Variants in EFCAB6 observed in about 807,000 individuals in gnomAD.
The protein encoded by EFCAB6 is EF-hand calcium binding domain 6, also known as EF-hand calcium-binding domain-containing protein 6.
A neutral mutation model predicts 169.8 loss-of-function variants in EFCAB6; 156 were observed. That is an observed-to-expected ratio of 0.92 (90% CI 0.81 to 1.05). The LOEUF is 1.05. EFCAB6 is among the 50% of genes least tolerant of loss of function. The probability of loss-of-function intolerance (pLI) is 0.00; values close to 1 mark genes in which losing one functional copy is unlikely to be tolerated. For missense variants in EFCAB6, 1,800 were observed against 1,829.1 expected (o/e 0.98, Z 0.29); for synonymous variants, 698 against 676.4 (o/e 1.03, Z -0.50).
intron 13 of EFCAB6, 47 bp from the exon 14 acceptor site, chr22:43,672,352 T>C: frequency 6.3e-7 from 1 of 1,599,530 alleles, no homozygotes; most frequent in Non-Finnish European, 8.5e-7. Context: ...CTCATGAAAG[T>C]CATTAGGAGC....
intron 17 of EFCAB6, among the ~76,000 whole-genome samples, chr22:43,664,896 G>A (rs1190602565): frequency 2.0e-5 from 3 of 152,148 alleles, no homozygotes; most frequent in Non-Finnish European, 2.9e-5. Context: ...GGCATGGCCA[G>A]GGTGGAAGCA....
At chr22:43,589,679 T>A (rs891635729) in intron 24 of EFCAB6, among the ~76,000 whole-genome samples, 3 of 152,086 alleles carry the variant, frequency 2.0e-5, no homozygotes, top group Non-Finnish European at 2.9e-5. Flanking sequence ...TCCCAGCTAC[T>A]TGGGAGCCTG....
intron 10 of EFCAB6, among the ~76,000 whole-genome samples, chr22:43,691,593 T>C (rs990289923): frequency 6.6e-6 from 1 of 152,152 alleles, no homozygotes; most frequent in African/African-American, 2.4e-5. Context: ...CCTATTTAAT[T>C]ACATCAAAAT....
In EFCAB6 at chr22:43,607,971, C is replaced by T. The variant is rs527604829; in HGVS notation, c.2681+511G>A. Among the ~76,000 whole-genome samples the T allele has an allele frequency of 3.0e-4, 45 of 152,276 alleles. No individual in the cohort carries two copies. The Middle Eastern group carries it at 0.01, about 35-fold the overall frequency. On this transcript the variant is annotated intron_variant, in intron 22 of 31. Transcript: ENST00000262726. ...TGGAACCAACATCGGATAAAATTTT[C>T]GGTTTAAGAGACCCTCGGGAAGCTA...
At chr22:43,623,729 A>G (rs1317330661) in intron 20 of EFCAB6, among the ~76,000 whole-genome samples, 7 of 128,406 alleles carry the variant, frequency 5.5e-5, no homozygotes, top group Non-Finnish European at 1.6e-5. Flanking sequence ...CCCCGTCTCT[A>G]CTAAAAATAC....
chr22:43,705,098 T>G (rs1025050928), intron 10 of EFCAB6, among the ~76,000 whole-genome samples: 54 of 152,136 alleles, frequency 3.5e-4, no homozygotes, highest in Middle Eastern at 3.4e-3. Flanking sequence ...TCGGACAAAA[T>G]AGATTTTAAG....
chr22:43,742,909 G>A (rs952779194), intron 6 of EFCAB6, among the ~76,000 whole-genome samples: 11 of 152,206 alleles, frequency 7.2e-5, no homozygotes, highest in African/African-American at 2.7e-4. Flanking sequence ...GTTATCTAGG[G>A]GAGGACCATG....
intron 5 of EFCAB6, 64 bp from the exon 6 acceptor site, chr22:43,755,896 T>A: frequency 7.3e-7 from 1 of 1,374,686 alleles, no homozygotes; most frequent in South Asian, 1.4e-5. Context: ...ACATAGGATA[T>A]GCAGAGATCA....
chr22:43,637,030 C>T (rs991052236), intron 17 of EFCAB6, among the ~76,000 whole-genome samples: 1 of 152,266 alleles, frequency 6.6e-6, no homozygotes, highest in African/African-American at 2.4e-5. Flanking sequence ...CGGCAAGCAG[C>T]TCTGCCATGG....
chr22:43,605,289 G>A (rs894539899), intron 22 of EFCAB6, among the ~76,000 whole-genome samples: 21 of 152,200 alleles, frequency 1.4e-4, no homozygotes, highest in African/African-American at 4.3e-4. Flanking sequence ...AAGCAAAGAT[G>A]ATAACGATCC....
intron 21 of EFCAB6, among the ~76,000 whole-genome samples, chr22:43,614,353 G>A (rs959948927): frequency 6.6e-6 from 1 of 151,972 alleles, no homozygotes; most frequent in Admixed American, 6.6e-5. Flanking sequence ...CCTTGACAAA[G>A]GGGCAAAGGC....
intron 10 of EFCAB6, among the ~76,000 whole-genome samples, chr22:43,710,932 A>G (rs2147369001): frequency 6.6e-6 from 1 of 152,354 alleles, no homozygotes; most frequent in South Asian, 2.1e-4. Flanking sequence ...GAAAGCCCCC[A>G]TAACAAACAA....
chr22:43,542,495 G>C (rs371179177), intron 27 of EFCAB6, among the ~76,000 whole-genome samples: 1 of 152,170 alleles, frequency 6.6e-6, no homozygotes, highest in African/African-American at 2.4e-5. Flanking sequence ...CGAGAGAATC[G>C]CTTGAACCTG....
At position 43,784,578 on chromosome 22, in the gene EFCAB6, TAC is replaced by T. The variant is rs1282974043; in HGVS notation, c.-7-2255_-7-2254del. ...ATATACACATATATATGTGTACATA[TAC>T]ACATATATATGTATATATACACATA... On this transcript the variant is annotated intron_variant, in intron 2 of 31. Transcript: ENST00000262726. Among the ~76,000 whole-genome samples the T allele has an allele frequency of 3.9e-4, 30 of 76,428 alleles. 3 individuals are homozygous for T. The highest frequency in any genetic ancestry group is 5.3e-4 in the Non-Finnish European group (22 of 41,532). 50.1% of individuals were successfully genotyped at this position (76,428 alleles called of 152,430 possible). A position where few individuals can be genotyped will look rare whatever the true frequency, so the allele number is the denominator to read the frequency against.
intron 3 of EFCAB6, among the ~76,000 whole-genome samples, chr22:43,778,682 C>G (rs2061715131): frequency 6.6e-6 from 1 of 152,174 alleles, no homozygotes; most frequent in Non-Finnish European, 1.5e-5. Flanking sequence ...AGTGCTCACA[C>G]CTCAAAGACC....
chr22:43,661,770 T>C (rs1384703194), intron 17 of EFCAB6, among the ~76,000 whole-genome samples: 3 of 152,188 alleles, frequency 2.0e-5, no homozygotes, highest in East Asian at 1.9e-4. Context: ...CTATGTCTTA[T>C]ATTAAACAGG....
intron 10 of EFCAB6, among the ~76,000 whole-genome samples, chr22:43,699,254 G>C (rs879757746): frequency 1.3e-5 from 2 of 152,176 alleles, no homozygotes; most frequent in Non-Finnish European, 2.9e-5. Flanking sequence ...TGGAAGGTGA[G>C]AGGAGAAAGA....
At chr22:43,754,344 G>C (rs921697172) in intron 6 of EFCAB6, among the ~76,000 whole-genome samples, 1 of 152,204 alleles carries the variant, frequency 6.6e-6, no homozygotes, top group African/African-American at 2.4e-5. Context: ...CAGAGCCCCA[G>C]GATGGAAACC....
At chr22:43,796,815 G>A (rs1388754136) in intron 2 of EFCAB6, among the ~76,000 whole-genome samples, 4 of 152,190 alleles carry the variant, frequency 2.6e-5, no homozygotes, top group African/African-American at 9.6e-5. Flanking sequence ...GGAACTAGAA[G>A]TCTTGCTGCT....
Sources: allele counts gnomAD v4.1 joint callset (sites outside exome capture counted in the v4.1 genomes callset), GRCh38; gene constraint gnomAD v4.1.1; transcripts MANE v1.5; gene names NCBI Gene and HGNC (gene_info 2026-07-23, HGNC 2026-07-21).